The following SMYD3 variants were observed in gnomAD, a reference collection of about 807,000 sequenced individuals.
SMYD3 encodes the protein SET and MYND domain containing 3.
SMYD3 carries 36 observed loss-of-function variants against 57.7 expected under a neutral mutation model. The ratio of observed to expected loss-of-function variants is 0.62; its 90% CI spans 0.48 to 0.82. SMYD3 has a LOEUF of 0.82. Ranked by LOEUF, SMYD3 falls within the 40% of genes least tolerant of loss-of-function variation. SMYD3 has a pLI of 0.00. For synonymous variants in SMYD3, 211 were observed against 195.0 expected (o/e 1.08, Z -0.68); for missense variants, 515 against 538.8 (o/e 0.96, Z 0.44).
At chr1:246,475,883 A>G (rs6682500) in intron 1 of SMYD3, among the ~76,000 whole-genome samples, 149,373 of 152,292 alleles carry the variant, frequency 0.98, 73,278 homozygotes, top group Non-Finnish European at 0.99. Context: ...CAAAAGTGCT[A>G]GTATTACAGG....
chr1:246,300,302 T>A (rs940984051), intron 5 of SMYD3, among the ~76,000 whole-genome samples: 1 of 152,206 alleles, frequency 6.6e-6, no homozygotes, highest in African/African-American at 2.4e-5. Flanking sequence ...TTAGCACAGT[T>A]GAAAATGCAC....
At position 246,437,252 on chromosome 1, in the gene SMYD3, T is replaced by C. The variant is rs1240477725; in HGVS notation, c.164+69802A>G. On this transcript the variant is annotated intron_variant, in intron 1 of 11. Transcript: ENST00000490107. Reference sequence around the variant, plus strand: ...GCTTTCTCAGGAATCTCACCTGTCTTTTTGGGAGCACCTGGTAGAGTTTTT... The same window carrying C: ...GCTTTCTCAGGAATCTCACCTGTCTCTTTGGGAGCACCTGGTAGAGTTTTT... Among the ~76,000 whole-genome samples, 9 of 152,272 alleles carry C rather than the reference T, an allele frequency of 5.9e-5. No homozygotes were observed. In the East Asian group the frequency reaches 1.7e-3, roughly 29 times the overall value.
intron 1 of SMYD3, among the ~76,000 whole-genome samples, chr1:246,429,188 T>G (rs1162308735): frequency 6.6e-6 from 1 of 151,498 alleles, no homozygotes; most frequent in African/African-American, 2.4e-5. Context: ...AAAACTGCCA[T>G]GTAATGAGCT....
At chr1:246,317,721 T>C (rs1030270219) in intron 5 of SMYD3, among the ~76,000 whole-genome samples, 3 of 152,180 alleles carry the variant, frequency 2.0e-5, no homozygotes, top group Non-Finnish European at 4.4e-5. Flanking sequence ...CAAAAAATCA[T>C]GTTGTACATG....
chr1:245,753,740 A>C (rs1004532599), intron 11 of SMYD3, among the ~76,000 whole-genome samples: 6 of 152,242 alleles, frequency 3.9e-5, no homozygotes, highest in Non-Finnish European at 8.8e-5. Flanking sequence ...CCATCCCCCA[A>C]AAAAGTTACA....
At chr1:246,146,504 C>T (rs2061844844) in intron 5 of SMYD3, among the ~76,000 whole-genome samples, 1 of 152,176 alleles carries the variant, frequency 6.6e-6, no homozygotes, top group Admixed American at 6.5e-5. Flanking sequence ...CTTCCTTCAG[C>T]AGTTAAAGAG....
At chr1:245,791,560 GTAACAAGTTTATC>G (rs2047267446) in intron 10 of SMYD3, among the ~76,000 whole-genome samples, 1 of 143,676 alleles carries the variant, frequency 7.0e-6, no homozygotes, top group African/African-American at 2.6e-5. Flanking sequence ...TTTTCTGTAA[GTAACAAGTTTATC>G]TACCTCTTAG....
chr1:245,858,283 T>C (rs1404387185), intron 10 of SMYD3, among the ~76,000 whole-genome samples: 1 of 152,206 alleles, frequency 6.6e-6, no homozygotes, highest in Non-Finnish European at 1.5e-5. Context: ...CCACGGTGTC[T>C]GACACATGGA....
At chr1:246,481,857 A>G (rs1392120181) in intron 1 of SMYD3, among the ~76,000 whole-genome samples, 1 of 151,492 alleles carries the variant, frequency 6.6e-6, no homozygotes, top group Non-Finnish European at 1.5e-5. Flanking sequence ...AGGGGTTCAA[A>G]AAAATTCCAT....
chr1:246,428,426 G>A (rs1045960413), intron 1 of SMYD3, among the ~76,000 whole-genome samples: 1 of 152,170 alleles, frequency 6.6e-6, no homozygotes, highest in Non-Finnish European at 1.5e-5. Context: ...TTTCAGAGTT[G>A]GTTAGAAATA....
intron 5 of SMYD3, among the ~76,000 whole-genome samples, chr1:246,144,459 C>A (rs2061811786): frequency 6.6e-6 from 1 of 152,162 alleles, no homozygotes; most frequent in Non-Finnish European, 1.5e-5. Context: ...TAATTATACC[C>A]TAGAAGAAAG....
In SMYD3 at chr1:245,891,639, A is replaced by T. The variant is rs528042839; in HGVS notation, c.813+23891T>A. On this transcript the variant is annotated intron_variant, in intron 8 of 11. Coordinates refer to ENST00000490107, the MANE Select transcript of SMYD3 (RefSeq NM_001167740.2). ...GGTGAAGAGGACAGCACGAGTAGTGATGAAGGACAGTGATATGCCCCCTAA... is the reference window on the plus strand; with the variant it reads ...GGTGAAGAGGACAGCACGAGTAGTGTTGAAGGACAGTGATATGCCCCCTAA... Among the ~76,000 whole-genome samples the T allele has an allele frequency of 2.6e-5, 4 of 152,358 alleles. No homozygotes were observed. The East Asian group carries it at 7.7e-4, about 29-fold the overall frequency.
intron 5 of SMYD3, among the ~76,000 whole-genome samples, chr1:246,109,589 C>T (rs553684782): frequency 3.7e-4 from 57 of 152,322 alleles, no homozygotes; most frequent in South Asian, 1.5e-3. Flanking sequence ...TGCTTGCTGG[C>T]TTCCAAGAAA....
At chr1:245,980,252 C>G (rs556955703) in intron 5 of SMYD3, among the ~76,000 whole-genome samples, 28 of 152,312 alleles carry the variant, frequency 1.8e-4, no homozygotes, top group African/African-American at 6.5e-4. Context: ...AGGACGGGGT[C>G]CAGGCCTTGG....
intron 2 of SMYD3, among the ~76,000 whole-genome samples, chr1:246,339,741 G>A (rs570041471): frequency 6.6e-6 from 1 of 152,308 alleles, no homozygotes; most frequent in East Asian, 1.9e-4. Flanking sequence ...AGGTGGGGTC[G>A]TTCAGTAGCA....
At chr1:245,919,256 A>C (rs141573461) in intron 7 of SMYD3, among the ~76,000 whole-genome samples, 58 of 152,306 alleles carry the variant, frequency 3.8e-4, no homozygotes, top group African/African-American at 1.4e-3. Flanking sequence ...GAATAAAGGC[A>C]CACAAGGATT....
At chr1:246,231,746 G>A (rs1429648019) in intron 5 of SMYD3, among the ~76,000 whole-genome samples, 1 of 152,136 alleles carries the variant, frequency 6.6e-6, no homozygotes, top group Non-Finnish European at 1.5e-5. Context: ...GATAATTACT[G>A]CTTTGGGTAC....
chr1:246,224,679 C>T (rs150550419), intron 5 of SMYD3, among the ~76,000 whole-genome samples: 62 of 151,220 alleles, frequency 4.1e-4, no homozygotes, highest in African/African-American at 1.4e-3. Context: ...ATTGCTCAGG[C>T]AAGATATGAT....
chr1:245,750,588 T>C (rs12132331), intron 11 of SMYD3, among the ~76,000 whole-genome samples: 11,823 of 152,290 alleles, frequency 0.078, 497 homozygotes, highest in Middle Eastern at 0.13. Flanking sequence ...ACAGCATTTG[T>C]GCAATAATTT....
Sources: allele counts gnomAD v4.1 joint callset (sites outside exome capture counted in the v4.1 genomes callset), GRCh38; gene constraint gnomAD v4.1.1; transcripts MANE v1.5; gene names NCBI Gene and HGNC (gene_info 2026-07-23, HGNC 2026-07-21).